Variants in RAD51B observed in about 807,000 individuals in gnomAD.
The protein encoded by RAD51B is RAD51 paralog B, also known as DNA repair protein RAD51 homolog 2.
In RAD51B, 38 loss-of-function variants were observed where a neutral mutation model predicts 42.2. The observed-to-expected ratio is 0.90, with a 90% CI of 0.70 to 1.18. The LOEUF (loss-of-function observed/expected upper bound fraction) is 1.18. Among genes scored for constraint, RAD51B ranks in the 50% most tolerant of loss-of-function variants. The pLI, the probability that RAD51B is intolerant of heterozygous loss-of-function variation, is 0.00. For missense variants in RAD51B, 373 were observed against 400.7 expected (o/e 0.93, Z 0.59); for synonymous variants, 154 against 145.2 (o/e 1.06, Z -0.43).
chr14:68,350,794 G>A (rs2082770519), intron 8 of RAD51B, among the ~76,000 whole-genome samples: 1 of 152,120 alleles, frequency 6.6e-6, no homozygotes, highest in African/African-American at 2.4e-5. Flanking sequence ...CTTCAGTTTG[G>A]CTTAATATCA....
chr14:68,207,203 GA>G (rs1378879036), intron 7 of RAD51B, among the ~76,000 whole-genome samples: 17 of 151,782 alleles, frequency 1.1e-4, no homozygotes, highest in Admixed American at 9.2e-4. Context: ...TGAACTTGGG[GA>G]AAAATACACA....
At position 68,018,430 on chromosome 14, in the gene RAD51B, G is replaced by A. The variant is rs181036307; in HGVS notation, c.756+131226G>A. On this transcript the variant is annotated intron_variant, in intron 7 of 10. Transcript: ENST00000471583. ...TAAAGGTACTAATTTAAATGTCACA[G>A]CAAGTTCTGTTAAGGTTTTACTTCT... is the stretch of plus-strand genomic sequence containing the variant. Among the ~76,000 whole-genome samples, 246 of 152,286 alleles carry A rather than the reference G, an allele frequency of 1.6e-3. 1 individual carries two copies. The highest frequency in any genetic ancestry group is 5.4e-3 in the Admixed American group (83 of 15,294).
intron 8 of RAD51B, among the ~76,000 whole-genome samples, chr14:68,339,790 G>C (rs1326351114): frequency 6.6e-6 from 1 of 152,090 alleles, no homozygotes; most frequent in African/African-American, 2.4e-5. Context: ...TTAGAGAATT[G>C]GGAAATCTGC....
chr14:68,595,485 T>G (rs894735376), exon 11 of RAD51B: 8 of 1,066,572 alleles, frequency 7.5e-6, no homozygotes, highest in Non-Finnish European at 9.1e-6. Context: ...CTAGCTTGAG[T>G]AGATTAAATT....
intron 7 of RAD51B, among the ~76,000 whole-genome samples, chr14:67,975,434 T>C (rs888102173): frequency 6.6e-6 from 1 of 152,236 alleles, no homozygotes; most frequent in Non-Finnish European, 1.5e-5. Flanking sequence ...AGCCTTATCA[T>C]ATTTATTCAA....
chr14:68,075,385 A>G (rs2076817045), intron 7 of RAD51B, among the ~76,000 whole-genome samples: 1 of 151,312 alleles, frequency 6.6e-6, no homozygotes, highest in South Asian at 2.1e-4. Context: ...TGCCTCTGGG[A>G]GCTCCACCCC....
chr14:68,218,589 T>C (rs2079862064), intron 7 of RAD51B, among the ~76,000 whole-genome samples: 1 of 152,364 alleles, frequency 6.6e-6, no homozygotes, highest in South Asian at 2.1e-4. Context: ...CATAGCTATT[T>C]AATAAAGAGA....
chr14:68,638,281 C>A (rs918461239), intron 10 of RAD51B, among the ~76,000 whole-genome samples: 1 of 152,136 alleles, frequency 6.6e-6, no homozygotes, highest in Admixed American at 6.5e-5. Flanking sequence ...TGGGTGGGGA[C>A]CTTCTTGGGG....
chr14:68,339,292 T>C, intron 8 of RAD51B: 1 of 902,904 alleles, frequency 1.1e-6, no homozygotes. Context: ...AACTGGTTAA[T>C]GGCAGGAGGC....
rs1430805571 is a variant in RAD51B, at chr14:67,951,517, G to T, written c.756+64313G>T. Among the ~76,000 whole-genome samples the T allele has an allele frequency of 2.0e-5, 3 of 152,126 alleles. No individual in the cohort carries two copies. In the East Asian group the frequency reaches 5.8e-4, roughly 29 times the overall value. On this transcript the variant is annotated intron_variant, in intron 7 of 10. Coordinates refer to ENST00000471583, the MANE Select transcript of RAD51B (RefSeq NM_133510.4). ...CGTCTTCCCAGTTTAAAAGGCTTAAGCAGAAGAGTAACAGTATAGTTAAAA... is the reference window on the plus strand; with the variant it reads ...CGTCTTCCCAGTTTAAAAGGCTTAATCAGAAGAGTAACAGTATAGTTAAAA...
At chr14:68,512,739 A>G (rs1885819468) in intron 10 of RAD51B, among the ~76,000 whole-genome samples, 1 of 152,176 alleles carries the variant, frequency 6.6e-6, no homozygotes, top group Non-Finnish European at 1.5e-5. Context: ...TTTGCATCTT[A>G]GTATGGATGA....
At chr14:67,899,336 A>C (rs2043535062) in intron 7 of RAD51B, among the ~76,000 whole-genome samples, 2 of 152,218 alleles carry the variant, frequency 1.3e-5, no homozygotes, top group South Asian at 4.1e-4. Flanking sequence ...GGTGTGAGCC[A>C]CCACACCCGG....
At chr14:68,658,622 G>A (rs1484038073) in intron 11 of RAD51B, among the ~76,000 whole-genome samples, 1 of 152,176 alleles carries the variant, frequency 6.6e-6, no homozygotes, top group Admixed American at 6.5e-5. Flanking sequence ...CATCCACAGA[G>A]GGAAACATGG....
intron 7 of RAD51B, among the ~76,000 whole-genome samples, chr14:68,132,732 C>G (rs755187136): frequency 4.6e-5 from 7 of 152,236 alleles, no homozygotes; most frequent in South Asian, 4.1e-4. Context: ...CTCTGCTTCT[C>G]TCAGAGTATT....
At chr14:67,844,624 A>ATTT (rs556636252) in intron 4 of RAD51B, among the ~76,000 whole-genome samples, 4 of 147,798 alleles carry the variant, frequency 2.7e-5, no homozygotes, top group African/African-American at 9.9e-5. Flanking sequence ...ATATATATAT[A>ATTT]TTTTTTTTAT....
At chr14:68,160,599 T>C (rs944347572) in intron 7 of RAD51B, among the ~76,000 whole-genome samples, 4 of 152,244 alleles carry the variant, frequency 2.6e-5, no homozygotes. Context: ...GTGGGATTAA[T>C]TTTGATTTTT....
chr14:68,432,608 A>G (rs1422242047), intron 9 of RAD51B, among the ~76,000 whole-genome samples: 3 of 152,082 alleles, frequency 2.0e-5, no homozygotes, highest in Admixed American at 2.0e-4. Context: ...TGCTTGGTAG[A>G]TCTTCCTCCA....
intron 7 of RAD51B, among the ~76,000 whole-genome samples, chr14:68,055,442 T>C (rs1446262787): frequency 2.0e-5 from 3 of 152,202 alleles, no homozygotes; most frequent in Non-Finnish European, 4.4e-5. Context: ...TCATGTCATA[T>C]GTAAATCAGT....
intron 8 of RAD51B, among the ~76,000 whole-genome samples, chr14:68,330,416 G>A (rs1311780411): frequency 6.6e-6 from 1 of 152,186 alleles, no homozygotes; most frequent in Non-Finnish European, 1.5e-5. Context: ...TTTTACAAAG[G>A]AAGGATTTTT....
Sources: gnomAD v4.1 joint callset for allele counts (sites outside exome capture counted in the v4.1 genomes callset) on GRCh38, gnomAD v4.1.1 for gene constraint, MANE v1.5 for transcripts, NCBI Gene and HGNC (gene_info 2026-07-23, HGNC 2026-07-21) for gene names.